MEGF6: variants seen among roughly 807,000 people sequenced by gnomAD.
MEGF6 encodes the protein multiple EGF like domains 6, also known as multiple epidermal growth factor-like domains protein 6.
In MEGF6, 184 loss-of-function variants were observed where a neutral mutation model predicts 207.1. The ratio of observed to expected loss-of-function variants is 0.89; its 90% CI spans 0.79 to 1.00. The LOEUF (loss-of-function observed/expected upper bound fraction) is 1.00, where lower values mean the gene tolerates loss of function less well. Ranked by LOEUF, MEGF6 falls within the 50% of genes least tolerant of loss-of-function variation. The pLI is 0.00. For missense variants in MEGF6, 2,282 were observed against 2,202.9 expected (o/e 1.04, Z -0.72); for synonymous variants, 1,038 against 910.0 (o/e 1.14, Z -2.53).
intron 5 of MEGF6, among the ~76,000 whole-genome samples, chr1:3,516,788 C>T (rs1641557082): frequency 6.6e-6 from 1 of 152,208 alleles, no homozygotes; most frequent in Non-Finnish European, 1.5e-5. Context: ...ACCTGTCCCA[C>T]AGGGGAGCAG....
At chr1:3,593,677 C>A (rs2101837413) in intron 3 of MEGF6, among the ~76,000 whole-genome samples, 1 of 151,934 alleles carries the variant, frequency 6.6e-6, no homozygotes, top group South Asian at 2.1e-4. Flanking sequence ...AGAGTGGAAA[C>A]CCGGGGGAGC....
At chr1:3,506,524 C>A (rs1422844439) in intron 14 of MEGF6, among the ~76,000 whole-genome samples, 1 of 152,180 alleles carries the variant, frequency 6.6e-6, no homozygotes, top group African/African-American at 2.4e-5. Flanking sequence ...AAAGTCTGGC[C>A]CCCATCAGGA....
chr1:3,514,240 T>TC (rs1271069383), intron 7 of MEGF6, among the ~76,000 whole-genome samples: 6 of 138,814 alleles, frequency 4.3e-5, no homozygotes, highest in Non-Finnish European at 9.4e-5. Flanking sequence ...AGAGCGAGAC[T>TC]CCGTCTCAAA....
In MEGF6 at chr1:3,599,098, G is replaced by GCTGA. The variant is rs1188358196; in HGVS notation, c.266+3364_266+3367dup. On this transcript the variant is annotated intron_variant, in intron 2 of 36. Coordinates refer to ENST00000356575, the MANE Select transcript of MEGF6 (RefSeq NM_001409.4). ...CCACAGCCCAGAAGCCAGACGAGGG[G>GCTGA]CTGACGCCTGCTGCCCTTCTGACCG... Among the ~76,000 whole-genome samples the GCTGA allele has an allele frequency of 3.9e-5, 6 of 152,344 alleles. No individual in the cohort carries two copies. The South Asian group carries it at 1.2e-3, about 32-fold the overall frequency.
chr1:3,520,530 C>T (rs558762211), intron 5 of MEGF6, among the ~76,000 whole-genome samples: 5 of 152,288 alleles, frequency 3.3e-5, no homozygotes, highest in African/African-American at 1.2e-4. Flanking sequence ...CTAGGCCCTG[C>T]TCTTCCCACC....
upstream of MEGF6, among the ~76,000 whole-genome samples, chr1:3,615,862 C>T (rs928059605): frequency 1.2e-4 from 19 of 152,232 alleles, no homozygotes; most frequent in African/African-American, 4.3e-4. Context: ...CTGGGTTACA[C>T]GCAGAACTGG....
At position 3,538,696 on chromosome 1, in the gene MEGF6, CTGTGTGTGTGTGTGTG is replaced by C. The variant is rs57325073; in HGVS notation, c.482-14466_482-14451del. On this transcript the variant is annotated intron_variant, in intron 4 of 36. Transcript: ENST00000356575. The stretch of plus-strand genomic sequence containing the variant: ...TGCTGCCGGCCAGCAGAGCATGTGC[CTGTGTGTGTGTGTGTG>C]TGTGTGTGTGTGTGTGTGTGTGTGT... Among the ~76,000 whole-genome samples the C allele has an allele frequency of 2.3e-3, 299 of 132,102 alleles. 2 individuals carry two copies. The highest frequency in any genetic ancestry group is 0.01 in the East Asian group (40 of 3,962). 86.7% of individuals were successfully genotyped at this position (132,102 alleles called of 152,430 possible). A position where few individuals can be genotyped will look rare whatever the true frequency, so the allele number is the denominator to read the frequency against.
chr1:3,491,182 T>C (rs1374022516), intron 35 of MEGF6, among the ~76,000 whole-genome samples: 4 of 150,836 alleles, frequency 2.7e-5, no homozygotes. Context: ...CCTCCAAGCC[T>C]CTACTACCCG....
intron 1 of MEGF6, among the ~76,000 whole-genome samples, chr1:3,608,015 T>G (rs1378693159): frequency 2.7e-5 from 4 of 148,106 alleles, no homozygotes; most frequent in African/African-American, 9.8e-5. Flanking sequence ...CAAACCCCTG[T>G]GGGCGGCGGG....
At chr1:3,502,967 G>A (rs188629255) in intron 17 of MEGF6, among the ~76,000 whole-genome samples, 4 of 152,284 alleles carry the variant, frequency 2.6e-5, no homozygotes, top group African/African-American at 9.6e-5. Flanking sequence ...GGCTCACAAT[G>A]GCATCACAGC....
intron 1 of MEGF6, among the ~76,000 whole-genome samples, chr1:3,603,470 A>G (rs10752738): frequency 0.94 from 143,277 of 152,150 alleles, 67,606 homozygotes; most frequent in East Asian, 0.99. Context: ...GTGTCCCACT[A>G]CGTCAGGTGA....
At chr1:3,506,341 C>T in intron 14 of MEGF6, 105 bp from the exon 15 acceptor site, 1 of 1,402,414 alleles carries the variant, frequency 7.1e-7, no homozygotes, top group South Asian at 1.4e-5. Context: ...AGCACAGGAG[C>T]TGGGAGCAGC....
intron 5 of MEGF6, among the ~76,000 whole-genome samples, chr1:3,523,554 A>T (rs976833250): frequency 6.6e-6 from 1 of 151,848 alleles, no homozygotes. Flanking sequence ...CCCCTACCCT[A>T]CCTGCCACAG....
intron 4 of MEGF6, among the ~76,000 whole-genome samples, chr1:3,578,539 G>GC (rs912352046): frequency 1.4e-5 from 2 of 143,074 alleles, no homozygotes; most frequent in East Asian, 1.9e-4. Context: ...GGGGCCCTGG[G>GC]GGGGGGGGGC....
At position 3,501,901 on chromosome 1, in the gene MEGF6, C is replaced by T; in HGVS notation, c.2209G>A (p.Gly737Ser). ...GAGCAGGAGCTCGAGCAGTTCACGC[C>T]AAACGTCCCCACCGGGCACTCTGCA... ...CGQECPVGTF[G>S]VNCSSSCSCG... Residue 737 changes from glycine (G) to serine (S), a missense_variant, in exon 18 of 37, where the codon GGC becomes AGC. By Grantham distance (56) the Gly-to-Ser change is moderately conservative. Transcript: ENST00000356575. The T allele has an allele frequency of 6.2e-7, 1 of 1,610,046 alleles. No individual in the cohort carries two copies. Among genetic ancestry groups the T allele is most frequent in the Non-Finnish European group, 8.5e-7 (1 of 1,178,790 alleles).
Position 3,490,807 on chromosome 1 carries a change from G to C in MEGF6, c.4564+105C>G. The C allele has an allele frequency of 4.3e-6, 6 of 1,408,366 alleles. No homozygotes were observed. In the South Asian group the frequency reaches 7.4e-5, roughly 17 times the overall value. 87.2% of individuals were successfully genotyped at this position (1,408,366 alleles called of 1,614,324 possible). The stretch of plus-strand genomic sequence containing the variant: ...ATTCCTGGGGCCCAAGGCCCCGGGT[G>C]CAGCTGCTGCCCTGTGGGGCCCAGA... On this transcript the variant is annotated intron_variant, in intron 36 of 36. Transcript: ENST00000356575.
chr1:3,538,321 A>AG lies in MEGF6; in HGVS notation c.482-14076dup, dbSNP rs112391488. On this transcript the variant is annotated intron_variant, in intron 4 of 36. Transcript: ENST00000356575. ...CCACCACAGAGCTTCTATCAGGAGC[A>AG]GGGGGGGCCCCCACCCGGCCTCAGA... Among the ~76,000 whole-genome samples, 10 of 152,172 alleles carry AG rather than the reference A, an allele frequency of 6.6e-5. No individual in the cohort carries two copies. The South Asian group carries it at 8.3e-4, about 13-fold the overall frequency.
chr1:3,524,632 A>G (rs1038280976), intron 4 of MEGF6, among the ~76,000 whole-genome samples: 1 of 152,198 alleles, frequency 6.6e-6, no homozygotes, highest in African/African-American at 2.4e-5. Context: ...AAGCCCAAAA[A>G]GAGAAACTGA....
In MEGF6 at chr1:3,512,051, A is replaced by G; in HGVS notation, c.931T>C (p.Cys311Arg). Residue 311 changes from cysteine to arginine, a missense_variant, in exon 8 of 37, where the codon TGT becomes CGT. Coordinates refer to ENST00000356575, the MANE Select transcript of MEGF6 (RefSeq NM_001409.4). ...GCGCCCAGCTCATAGCCCGCGTGAC[A>G]CACGCACTTGAAGGACCCCTGGGTG... ...LNTQGSFKCV[C>R]HAGYELGADG... 6.2e-7 allele frequency: 1 copy of G among 1,612,800 alleles called. No homozygotes were observed. Among genetic ancestry groups the G allele is most frequent in the Non-Finnish European group, 8.5e-7 (1 of 1,179,926 alleles).
Sources: gnomAD v4.1 joint callset for allele counts (sites outside exome capture counted in the v4.1 genomes callset) on GRCh38, gnomAD v4.1.1 for gene constraint, MANE v1.5 for transcripts, NCBI Gene and HGNC (gene_info 2026-07-23, HGNC 2026-07-21) for gene names.